Variants in KAZN observed in about 807,000 individuals in gnomAD.
The protein encoded by KAZN is kazrin, periplakin interacting protein, also known as kazrin.
A neutral mutation model predicts 87.4 loss-of-function variants in KAZN; 40 were observed. That is an observed-to-expected ratio of 0.46 (90% CI 0.36 to 0.60). KAZN has a LOEUF of 0.60. Among genes scored for constraint, KAZN ranks in the 20% least tolerant of loss-of-function variants. The pLI is 0.00. For synonymous variants in KAZN, 466 were observed against 458.3 expected (o/e 1.02, Z -0.22); for missense variants, 898 against 1,073.9 (o/e 0.84, Z 2.29).
chr1:14,925,199 C>T lies in KAZN; in HGVS notation c.227-35485C>T, dbSNP rs145424630. ...TTAAAGTGTTCCCAGCGGGTGTGCCCGTTCCATCCCACTCAGGCCTGCGCT... is the reference window on the plus strand; with the variant it reads ...TTAAAGTGTTCCCAGCGGGTGTGCCTGTTCCATCCCACTCAGGCCTGCGCT... On this transcript the variant is annotated intron_variant, in intron 1 of 14. Coordinates refer to ENST00000376030, the MANE Select transcript of KAZN (RefSeq NM_201628.3). Among the ~76,000 whole-genome samples the T allele has an allele frequency of 1.0e-3, 158 of 152,286 alleles. 1 individual carries two copies. Among genetic ancestry groups the T allele is most frequent in the African/African-American group, 3.0e-3 (123 of 41,558 alleles).
chr1:14,938,536 C>A (rs1431486635), intron 1 of KAZN, among the ~76,000 whole-genome samples: 1 of 122,102 alleles, frequency 8.2e-6, no homozygotes, highest in African/African-American at 4.2e-5. Context: ...GAGGGAAACT[C>A]CATCTCAAAA....
intron 2 of KAZN, among the ~76,000 whole-genome samples, chr1:15,013,287 G>A (rs950992920): frequency 6.6e-6 from 1 of 152,180 alleles, no homozygotes; most frequent in African/African-American, 2.4e-5. Context: ...AACAAAATAG[G>A]AGGCAAACTA....
Position 15,066,441 on chromosome 1 carries a change from C to A in KAZN, c.1222+688C>A, listed in dbSNP as rs1377015297. On this transcript the variant is annotated intron_variant, in intron 8 of 14. Transcript: ENST00000376030. This position sits in a 1 kb window ranked among gnomAD's most constrained non-coding sequence, Gnocchi z 4.3. ...TCGTCGTCAGGGTAAGCTCTGCTCT[C>A]TACAAAGACTCGCGAGCCGGGCCAA... 1.0e-6 allele frequency: 1 copy of A among 985,198 alleles called. No homozygotes were observed. The highest frequency in any genetic ancestry group is 1.2e-6 in the Non-Finnish European group (1 of 829,936). The allele number at this position is 985,198 out of a possible 1,614,324, so 61.0% of individuals were successfully genotyped here.
At chr1:14,898,243 G>A (rs1323159818) in intron 1 of KAZN, among the ~76,000 whole-genome samples, 1 of 152,124 alleles carries the variant, frequency 6.6e-6, no homozygotes, top group African/African-American at 2.4e-5. Context: ...GTTCATCTCT[G>A]GAAGAAAAGA....
At chr1:14,728,426 C>T (rs1046918042) in intron 1 of KAZN, among the ~76,000 whole-genome samples, 3 of 152,032 alleles carry the variant, frequency 2.0e-5, no homozygotes, top group Non-Finnish European at 4.4e-5. Flanking sequence ...ACCTGCCGCT[C>T]ACCTCCTGCT....
chr1:14,092,616 T>C (rs950752033), intron 1 of KAZN, among the ~76,000 whole-genome samples: 1 of 144,670 alleles, frequency 6.9e-6, no homozygotes, highest in African/African-American at 2.5e-5. Context: ...TATACATATG[T>C]ATGTACATAC....
intron 1 of KAZN, among the ~76,000 whole-genome samples, chr1:14,717,991 G>A (rs1367932366): frequency 6.6e-6 from 1 of 152,276 alleles, no homozygotes; most frequent in South Asian, 2.1e-4. Flanking sequence ...CCATCAAGAG[G>A]GACGCTTCCC....
intron 1 of KAZN, among the ~76,000 whole-genome samples, chr1:14,928,448 CA>C (rs1436568849): frequency 1.8e-5 from 2 of 110,478 alleles, no homozygotes; most frequent in Non-Finnish European, 1.8e-5. Context: ...GACTCAGTCT[CA>C]AAAAAAAAAC....
chr1:14,319,018 A>T (rs1256748162), intron 2 of KAZN, among the ~76,000 whole-genome samples: 1 of 21,626 alleles, frequency 4.6e-5, no homozygotes, highest in African/African-American at 1.8e-4. Context: ...ATTTTTATTT[A>T]TTTATTTATT....
At chr1:14,878,906 C>G (rs1385728398) in intron 1 of KAZN, among the ~76,000 whole-genome samples, 2 of 152,322 alleles carry the variant, frequency 1.3e-5, no homozygotes, top group Admixed American at 6.5e-5. Flanking sequence ...GTTCCTGAGG[C>G]CTAAGCTGGC....
At chr1:14,067,853 A>T (rs922030703) in intron 1 of KAZN, among the ~76,000 whole-genome samples, 5 of 152,198 alleles carry the variant, frequency 3.3e-5, no homozygotes, top group African/African-American at 9.7e-5. Context: ...CCAGTTCCTC[A>T]TTCAGGCAGA....
Position 15,081,279 on chromosome 1 carries a change from C to T in KAZN, c.1223-12901C>T, listed in dbSNP as rs1014352868. Among the ~76,000 whole-genome samples, 8 of 152,196 alleles carry T rather than the reference C, an allele frequency of 5.3e-5. No homozygotes were observed. Among genetic ancestry groups the T allele is most frequent in the South Asian group, 4.1e-4 (2 of 4,824 alleles). On this transcript the variant is annotated intron_variant, in intron 8 of 14. Transcript: ENST00000376030. The surrounding 1 kb of genome is among the most constrained non-coding windows in gnomAD (Gnocchi z 4.1). ...AACTCCACGTCCAGTGACAGCCTGC[C>T]GGTCACTGAAATTGGCCACAATAGG...
At chr1:14,173,235 A>G (rs1185451072) in intron 1 of KAZN, among the ~76,000 whole-genome samples, 1 of 152,208 alleles carries the variant, frequency 6.6e-6, no homozygotes, top group Non-Finnish European at 1.5e-5. Context: ...AAAGAGTACA[A>G]GCATCTTTAT....
At chr1:14,235,116 C>CA (rs1462663975) in intron 2 of KAZN, among the ~76,000 whole-genome samples, 1 of 151,982 alleles carries the variant, frequency 6.6e-6, no homozygotes, top group Non-Finnish European at 1.5e-5. Flanking sequence ...TCATAATAGC[C>CA]AAAAAGTGGA....
chr1:15,064,209 G>T (rs1271536074), intron 7 of KAZN, among the ~76,000 whole-genome samples: 1 of 152,116 alleles, frequency 6.6e-6, no homozygotes, highest in Non-Finnish European at 1.5e-5. Context: ...GAATTTGAGG[G>T]TCTGCAGGGG....
chr1:14,393,813 C>T (rs183438305), intron 2 of KAZN, among the ~76,000 whole-genome samples: 42 of 145,192 alleles, frequency 2.9e-4, no homozygotes, highest in Admixed American at 2.0e-3. Flanking sequence ...TCCACACTCC[C>T]GCCTGAGTGA....
At chr1:14,037,463 C>G (rs1328810504) in intron 1 of KAZN, among the ~76,000 whole-genome samples, 1 of 152,208 alleles carries the variant, frequency 6.6e-6, no homozygotes, top group Non-Finnish European at 1.5e-5. Flanking sequence ...TTCTTCCTTT[C>G]TGTTGATTCT....
intron 1 of KAZN, among the ~76,000 whole-genome samples, chr1:14,857,500 T>G (rs1650274988): frequency 6.6e-6 from 1 of 151,512 alleles, no homozygotes; most frequent in African/African-American, 2.4e-5. Context: ...GCCACTCTAC[T>G]CCAGCCTAGG....
intron 1 of KAZN, among the ~76,000 whole-genome samples, chr1:14,160,196 C>T (rs10928042): frequency 0.64 from 97,909 of 152,122 alleles, 33,165 homozygotes; most frequent in African/African-American, 0.86. Flanking sequence ...TAAGGCCCCA[C>T]AGCACTTTAG....
Sources: allele counts gnomAD v4.1 joint callset (sites outside exome capture counted in the v4.1 genomes callset), GRCh38; gene constraint gnomAD v4.1.1; non-coding constraint Gnocchi (gnomAD v3.1); transcripts MANE v1.5; gene names NCBI Gene and HGNC (gene_info 2026-07-23, HGNC 2026-07-21).